Variants in LCORL observed in about 807,000 individuals in gnomAD.
The protein encoded by LCORL is ligand-dependent nuclear receptor corepressor-like protein.
LCORL carries 41 observed loss-of-function variants against 141.8 expected under a neutral mutation model. The ratio of observed to expected loss-of-function variants is 0.29; its 90% CI spans 0.23 to 0.38. The LOEUF (loss-of-function observed/expected upper bound fraction) is 0.38, where lower values mean the gene tolerates loss of function less well. LCORL is among the 10% of genes least tolerant of loss of function. LCORL has a pLI of 1.00. For synonymous variants in LCORL, 618 were observed against 694.1 expected, an observed-to-expected ratio of 0.89 and a Z score of 1.72; for missense variants, 1,759 against 2,035.0, an observed-to-expected ratio of 0.86 and a Z score of 2.61.
At chr4:17,991,762 C>A (rs907967559) in intron 1 of LCORL, among the ~76,000 whole-genome samples, 1 of 152,028 alleles carries the variant, frequency 6.6e-6, no homozygotes, top group African/African-American at 2.4e-5. Context: ...GGGCACAAGA[C>A]CAGCCCTGGA....
exon 7 of LCORL, chr4:17,877,514 TTGA>T (rs1273127359): frequency 7.3e-6 from 9 of 1,230,170 alleles, no homozygotes; most frequent in African/African-American, 1.6e-5. Context: ...GTATTTTATC[TTGA>T]TGATCACTCT....
intron 6 of LCORL, among the ~76,000 whole-genome samples, chr4:17,885,735 A>G (rs1284667358): frequency 1.3e-5 from 2 of 151,960 alleles, no homozygotes; most frequent in African/African-American, 4.8e-5. Context: ...TAAAAAATTA[A>G]TAAATTACAT....
intron 4 of LCORL, among the ~76,000 whole-genome samples, chr4:17,950,907 T>C (rs906279479): frequency 1.3e-5 from 2 of 152,186 alleles, no homozygotes; most frequent in African/African-American, 4.8e-5. Flanking sequence ...AAATAGAGTA[T>C]TGGGCGACCA....
At chr4:17,920,469 C>T (rs1734109672) in intron 4 of LCORL, among the ~76,000 whole-genome samples, 1 of 152,206 alleles carries the variant, frequency 6.6e-6, no homozygotes, top group Non-Finnish European at 1.5e-5. Context: ...TTGACACCTG[C>T]TGAATGCTCA....
chr4:17,963,969 A>G (rs1023983455), intron 2 of LCORL, among the ~76,000 whole-genome samples: 3 of 152,098 alleles, frequency 2.0e-5, no homozygotes, highest in African/African-American at 7.2e-5. Context: ...TTGAATACAC[A>G]TCTCTGCTAA....
At chr4:17,936,396 G>T (rs1401706126) in intron 4 of LCORL, among the ~76,000 whole-genome samples, 3 of 142,052 alleles carry the variant, frequency 2.1e-5, no homozygotes, top group Non-Finnish European at 3.0e-5. Flanking sequence ...AATCCAGAAA[G>T]ATCAAATCAG....
chr4:17,976,570 A>T (rs1394487198), intron 1 of LCORL, among the ~76,000 whole-genome samples: 1 of 152,198 alleles, frequency 6.6e-6, no homozygotes, highest in African/African-American at 2.4e-5. Flanking sequence ...CATTATATAT[A>T]ACTTACTTAA....
chr4:17,901,790 TA>T (rs1730926314), intron 5 of LCORL, among the ~76,000 whole-genome samples: 1 of 151,862 alleles, frequency 6.6e-6, no homozygotes, highest in African/African-American at 2.4e-5. Flanking sequence ...AAAAAAAGCA[TA>T]ACAAGACCAA....
chr4:17,879,208 A>T (rs941734042), intron 6 of LCORL, among the ~76,000 whole-genome samples: 5 of 151,180 alleles, frequency 3.3e-5, no homozygotes, highest in African/African-American at 1.2e-4. Context: ...TATATTAAAA[A>T]TTATAAGATT....
chr4:17,843,030 T>C (rs1342730468), exon 8 of LCORL: 2 of 231,566 alleles, frequency 8.6e-6, no homozygotes, highest in African/African-American at 4.5e-5. Flanking sequence ...AATTACAAGC[T>C]TCATTACAAG....
intron 4 of LCORL, among the ~76,000 whole-genome samples, chr4:17,953,056 T>A (rs1356048095): frequency 6.6e-6 from 1 of 152,176 alleles, no homozygotes; most frequent in Admixed American, 6.5e-5. Context: ...TCCATCCATG[T>A]TGCTGCAAAG....
intron 5 of LCORL, among the ~76,000 whole-genome samples, chr4:17,894,630 C>T (rs1033183370): frequency 8.5e-5 from 13 of 152,174 alleles, no homozygotes; most frequent in Non-Finnish European, 1.5e-5. Flanking sequence ...CAGCTGAATT[C>T]TCACATCTGC....
chr4:17,888,450 T>G (rs1321140294), intron 5 of LCORL, among the ~76,000 whole-genome samples: 2 of 152,160 alleles, frequency 1.3e-5, no homozygotes, highest in African/African-American at 4.8e-5. Context: ...TGCAGTGTTA[T>G]GCCTCTCAAA....
At chr4:17,929,121 A>G (rs1005316931) in intron 4 of LCORL, among the ~76,000 whole-genome samples, 1 of 152,210 alleles carries the variant, frequency 6.6e-6, no homozygotes, top group African/African-American at 2.4e-5. Flanking sequence ...GAAAACTGGA[A>G]ACATAATAAA....
At chr4:17,982,122 G>GTT (rs1455840494) in intron 1 of LCORL, among the ~76,000 whole-genome samples, 3 of 150,208 alleles carry the variant, frequency 2.0e-5, no homozygotes, top group African/African-American at 7.4e-5. Context: ...GTGTGTGTGT[G>GTT]TGTGTGTGTG....
At chr4:18,004,069 G>A (rs1456606395) in intron 1 of LCORL, among the ~76,000 whole-genome samples, 1 of 152,180 alleles carries the variant, frequency 6.6e-6, no homozygotes, top group Non-Finnish European at 1.5e-5. Flanking sequence ...GTAAGTAGAA[G>A]GGAACTCCAT....
chr4:17,873,250 T>A, intron 7 of LCORL, 138 bp downstream of exon 7: 1 of 483,008 alleles, frequency 2.1e-6, no homozygotes. Flanking sequence ...ACGAGTTTCA[T>A]ACTAGGTGCC....
Position 17,884,311 on chromosome 4 carries a change from T to C in LCORL, c.776+1757A>G, listed in dbSNP as rs1728001927. On this transcript the variant is annotated intron_variant, in intron 6 of 7. Transcript: ENST00000635767. The surrounding 1 kb of genome is among the most constrained non-coding windows in gnomAD (Gnocchi z 4.4). ...GAATTTTTAACTGTACAGTAGGATT[T>C]GAAGTTTCATATTGGAGGCTTTCAT... The C allele has an allele frequency of 6.5e-7, 1 of 1,548,952 alleles. No individual in the cohort carries two copies.
At chr4:17,964,015 T>C (rs2109614491) in intron 2 of LCORL, among the ~76,000 whole-genome samples, 1 of 152,210 alleles carries the variant, frequency 6.6e-6, no homozygotes. Context: ...TTTTTTGAAA[T>C]GCTAATGAAT....
Sources: allele counts gnomAD v4.1 joint callset (sites outside exome capture counted in the v4.1 genomes callset), GRCh38; gene constraint gnomAD v4.1.1; non-coding constraint Gnocchi (gnomAD v3.1); transcripts MANE v1.5; gene names NCBI Gene and HGNC (gene_info 2026-07-23, HGNC 2026-07-21).